Variants in GRIK4 observed in about 807,000 individuals in gnomAD.
GRIK4 encodes the protein glutamate ionotropic receptor kainate type subunit 4.
A neutral mutation model predicts 104.9 loss-of-function variants in GRIK4; 40 were observed. That is an observed-to-expected ratio of 0.38 (90% confidence interval 0.30 to 0.50). GRIK4 has a LOEUF of 0.50. Among genes scored for constraint, GRIK4 ranks in the 20% least tolerant of loss-of-function variants. The probability of loss-of-function intolerance (pLI) is 0.93; values close to 1 mark genes in which losing one functional copy is unlikely to be tolerated. For synonymous variants in GRIK4, 485 were observed against 524.9 expected, an observed-to-expected ratio of 0.92 and a Z score of 1.04; for missense variants, 1,047 against 1,308.1, an observed-to-expected ratio of 0.80 and a Z score of 3.08.
At chr11:120,895,595 C>T (rs758966075) in intron 11 of GRIK4, among the ~76,000 whole-genome samples, 11 of 152,168 alleles carry the variant, frequency 7.2e-5, no homozygotes, top group Non-Finnish European at 1.0e-4. Context: ...AGGGCACATT[C>T]GTATCCCCAC....
At chr11:120,759,416 C>T (rs1951707110) in intron 3 of GRIK4, among the ~76,000 whole-genome samples, 1 of 152,302 alleles carries the variant, frequency 6.6e-6, no homozygotes, top group Middle Eastern at 3.4e-3. Context: ...ACTCCACTGT[C>T]CACAGCCTCA....
chr11:120,854,567 C>T (rs1292785773), intron 8 of GRIK4, among the ~76,000 whole-genome samples: 4 of 152,198 alleles, frequency 2.6e-5, no homozygotes, highest in African/African-American at 9.6e-5. Flanking sequence ...CAGCCAGCCA[C>T]CTTTGTGGCG....
At chr11:120,689,326 G>A (rs1333218757) in intron 3 of GRIK4, among the ~76,000 whole-genome samples, 2 of 151,940 alleles carry the variant, frequency 1.3e-5, no homozygotes, top group Non-Finnish European at 2.9e-5. Flanking sequence ...TCTAAATGTT[G>A]AACCCATGCT....
At chr11:120,965,922 A>G (rs894483736) in intron 18 of GRIK4, among the ~76,000 whole-genome samples, 1 of 152,158 alleles carries the variant, frequency 6.6e-6, no homozygotes, top group Non-Finnish European at 1.5e-5. Flanking sequence ...CCTCTGGGGC[A>G]TCTGTCCACA....
chr11:120,657,633 G>A (rs1006081859), intron 2 of GRIK4, among the ~76,000 whole-genome samples: 1 of 152,240 alleles, frequency 6.6e-6, no homozygotes, highest in Non-Finnish European at 1.5e-5. Flanking sequence ...CAGGAAAAGT[G>A]CTGCTCTCAG....
At chr11:120,598,023 G>A (rs574825999) in intron 1 of GRIK4, among the ~76,000 whole-genome samples, 1 of 152,160 alleles carries the variant, frequency 6.6e-6, no homozygotes, top group Admixed American at 6.5e-5. Flanking sequence ...AAAACTAAGT[G>A]CCTCAGCGAC....
chr11:120,972,821 A>T (rs1029361805), intron 19 of GRIK4, among the ~76,000 whole-genome samples: 3 of 152,130 alleles, frequency 2.0e-5, no homozygotes, highest in Non-Finnish European at 4.4e-5. Context: ...GTACTGTGGT[A>T]TGACGCATAT....
At chr11:120,514,645 G>A (rs943932753) in intron 1 of GRIK4, among the ~76,000 whole-genome samples, 1 of 152,064 alleles carries the variant, frequency 6.6e-6, no homozygotes, top group Admixed American at 6.5e-5. Context: ...TAGACTGGCT[G>A]CCTGGGTGTC....
intron 14 of GRIK4, among the ~76,000 whole-genome samples, chr11:120,945,036 T>C (rs1943824603): frequency 1.3e-5 from 2 of 152,096 alleles, no homozygotes; most frequent in Admixed American, 1.3e-4. Context: ...ATCAACCTCC[T>C]TCTTGAAATC....
intron 8 of GRIK4, among the ~76,000 whole-genome samples, chr11:120,849,129 T>G (rs1375639350): frequency 1.3e-5 from 2 of 152,088 alleles, no homozygotes; most frequent in African/African-American, 4.8e-5. Context: ...TAATAAAAAT[T>G]GAAACGCATT....
At chr11:120,847,869 A>T (rs927858942) in intron 8 of GRIK4, among the ~76,000 whole-genome samples, 2 of 152,222 alleles carry the variant, frequency 1.3e-5, no homozygotes, top group Admixed American at 6.5e-5. Flanking sequence ...TACCACTTGG[A>T]TAGCTGTCAA....
intron 1 of GRIK4, among the ~76,000 whole-genome samples, chr11:120,534,436 C>T (rs2136083264): frequency 6.6e-6 from 1 of 152,114 alleles, no homozygotes; most frequent in South Asian, 2.1e-4. Flanking sequence ...GGCACAGGGG[C>T]TTTAATGAGC....
Position 120,967,078 on chromosome 11 carries a change from C to A in GRIK4, c.2267-117C>A. 2 of 1,154,298 alleles carry A rather than the reference C, an allele frequency of 1.7e-6. No individual in the cohort carries two copies. Among genetic ancestry groups the A allele is most frequent in the Non-Finnish European group, 2.5e-6 (2 of 809,164 alleles). The allele number at this position is 1,154,298 out of a possible 1,614,324, so 71.5% of individuals were successfully genotyped here. A position where few individuals can be genotyped will look rare whatever the true frequency, so the allele number is the denominator to read the frequency against. ...CGCCCCACCCGCTGCATCTGTCTGTCCCCTCTCGAGGTGAAAGCAGGCAGG... is the reference window on the plus strand; with the variant it reads ...CGCCCCACCCGCTGCATCTGTCTGTACCCTCTCGAGGTGAAAGCAGGCAGG... On this transcript the variant is annotated intron_variant, in intron 18 of 20. Transcript: ENST00000527524. This position sits in a 1 kb window ranked among gnomAD's most constrained non-coding sequence, Gnocchi z 4.2.
At chr11:120,544,808 A>G (rs1016668218) in intron 1 of GRIK4, among the ~76,000 whole-genome samples, 3 of 152,164 alleles carry the variant, frequency 2.0e-5, no homozygotes, top group Non-Finnish European at 4.4e-5. Context: ...GGAGGGTTAG[A>G]AAGAATCAAC....
intron 16 of GRIK4, 115 bp downstream of exon 16, chr11:120,957,068 C>A: frequency 1.1e-6 from 1 of 895,290 alleles, no homozygotes; most frequent in Middle Eastern, 3.5e-4. Context: ...TTACAGCAGA[C>A]CCACGCAGGA....
At chr11:120,686,856 A>G (rs1950284582) in intron 3 of GRIK4, among the ~76,000 whole-genome samples, 1 of 152,260 alleles carries the variant, frequency 6.6e-6, no homozygotes, top group Non-Finnish European at 1.5e-5. Flanking sequence ...TAGGGTTTTC[A>G]GTTGTCCAGG....
chr11:120,702,262 GT>G (rs76136409), intron 3 of GRIK4, among the ~76,000 whole-genome samples: 20,113 of 152,108 alleles, frequency 0.13, 1,497 homozygotes, highest in South Asian at 0.19. Context: ...CGACTCCAAG[GT>G]TTTTACCTTG....
intron 3 of GRIK4, among the ~76,000 whole-genome samples, chr11:120,763,371 T>C (rs928488628): frequency 2.0e-5 from 3 of 152,200 alleles, no homozygotes; most frequent in African/African-American, 7.2e-5. Flanking sequence ...CTATCTATTT[T>C]GTTAGTCTTT....
At chr11:120,521,404 C>T (rs1203562686) in intron 1 of GRIK4, among the ~76,000 whole-genome samples, 1 of 152,112 alleles carries the variant, frequency 6.6e-6, no homozygotes, top group Admixed American at 6.5e-5. Flanking sequence ...AGTCACATGC[C>T]CAACGGCTTA....
Sources: gnomAD v4.1 joint callset for allele counts (sites outside exome capture counted in the v4.1 genomes callset) on GRCh38, gnomAD v4.1.1 for gene constraint, Gnocchi (gnomAD v3.1) non-coding constraint, MANE v1.5 for transcripts, NCBI Gene and HGNC (gene_info 2026-07-23, HGNC 2026-07-21) for gene names.